PCAT7: variants seen among roughly 807,000 people sequenced by gnomAD.
PCAT7 encodes prostate cancer associated transcript 7 (non-protein coding).
chr9:94,565,601 C>G (rs943731943), intron 2 of PCAT7, among the ~76,000 whole-genome samples: 7 of 152,108 alleles, frequency 4.6e-5, no homozygotes, highest in African/African-American at 1.7e-4. Context: ...AGATGGAACC[C>G]ATATTCCTAA....
chr9:94,565,013 A>G (rs1827165084), intron 2 of PCAT7, among the ~76,000 whole-genome samples: 1 of 152,212 alleles, frequency 6.6e-6, no homozygotes, highest in African/African-American at 2.4e-5. Context: ...TGATCACTGT[A>G]TATTATATAT....
intron 2 of PCAT7, chr9:94,568,344 A>G (rs564430): frequency 0.49 from 73,858 of 151,926 alleles, 18,566 homozygotes; most frequent in African/African-American, 0.6. Flanking sequence ...TCCACAACCC[A>G]TGTAGCCACT....
intron 2 of PCAT7, chr9:94,571,662 C>A: frequency 1.3e-6 from 2 of 1,494,004 alleles, no homozygotes; most frequent in South Asian, 2.7e-5. Context: ...AACACTTTGC[C>A]AGGGGCCTGG....
chr9:94,573,865 T>C (rs1301872483), intron 3 of PCAT7, among the ~76,000 whole-genome samples: 5 of 152,366 alleles, frequency 3.3e-5, no homozygotes, highest in African/African-American at 1.2e-4. Context: ...TCCTTCCTAT[T>C]ATCTTTTCTG....
chr9:94,571,916 G>A (rs534515403), intron 2 of PCAT7, among the ~76,000 whole-genome samples: 1 of 152,176 alleles, frequency 6.6e-6, no homozygotes, highest in South Asian at 2.1e-4. Flanking sequence ...CCCAAGCCAC[G>A]ATACTCACAA....
At chr9:94,571,497 TG>T (rs748538007) in intron 2 of PCAT7, 1 of 1,613,888 alleles carries the variant, frequency 6.2e-7, no homozygotes, top group Non-Finnish European at 8.5e-7. Context: ...CCTTGCCCTG[TG>T]GAGAGAGCCA....
At chr9:94,565,795 A>G (rs1827180592) in intron 2 of PCAT7, among the ~76,000 whole-genome samples, 1 of 150,728 alleles carries the variant, frequency 6.6e-6, no homozygotes, top group African/African-American at 2.5e-5. Context: ...TAGATGATAG[A>G]TAGGTGAGAG....
intron 1 of PCAT7, among the ~76,000 whole-genome samples, chr9:94,557,272 T>C (rs540487127): frequency 6.6e-6 from 1 of 152,372 alleles, no homozygotes; most frequent in African/African-American, 2.4e-5. Context: ...GAATGTCTTG[T>C]AGTTGAACAC....
chr9:94,561,734 G>T (rs12002400), intron 2 of PCAT7, among the ~76,000 whole-genome samples: 6,415 of 152,232 alleles, frequency 0.042, 440 homozygotes, highest in African/African-American at 0.15. Context: ...GGATAGGAGT[G>T]TGCACATGCA....
At chr9:94,556,681 A>G (rs1827017175) in intron 1 of PCAT7, among the ~76,000 whole-genome samples, 1 of 152,182 alleles carries the variant, frequency 6.6e-6, no homozygotes, top group African/African-American at 2.4e-5. Context: ...CTGCTTTGGA[A>G]AAGGCTTTAA....
chr9:94,566,796 A>C (rs1175094940), intron 2 of PCAT7, among the ~76,000 whole-genome samples: 2 of 152,248 alleles, frequency 1.3e-5, no homozygotes, highest in Admixed American at 1.3e-4. Flanking sequence ...ATGAAGCCTT[A>C]CAAAAGCATC....
intron 1 of PCAT7, chr9:94,558,786 C>T: frequency 4.3e-6 from 3 of 698,752 alleles, no homozygotes; most frequent in Non-Finnish European, 4.9e-6. Context: ...GGCTTCCAAA[C>T]CTGTCGTAAG....
intron 1 of PCAT7, chr9:94,558,803 G>A: frequency 1.3e-6 from 1 of 793,474 alleles, no homozygotes; most frequent in South Asian, 1.6e-5. Context: ...TAAGCAGTTT[G>A]TTGTTGCTCT....
intron 1 of PCAT7, among the ~76,000 whole-genome samples, chr9:94,556,320 G>A (rs1468116207): frequency 6.6e-6 from 1 of 152,008 alleles, no homozygotes; most frequent in Non-Finnish European, 1.5e-5. Flanking sequence ...AAAATACGGT[G>A]GGAGAAAGTG....
chr9:94,569,209 G>T (rs954543298), intron 2 of PCAT7: 1 of 152,216 alleles, frequency 6.6e-6, no homozygotes, highest in African/African-American at 2.4e-5. Flanking sequence ...AATGAGATAC[G>T]CCTCCCTAGG....
intron 2 of PCAT7, among the ~76,000 whole-genome samples, chr9:94,562,561 C>T (rs1276658813): frequency 6.6e-6 from 1 of 152,064 alleles, no homozygotes; most frequent in Non-Finnish European, 1.5e-5. Flanking sequence ...TCTTAGCATT[C>T]GAATAATTCA....
upstream of PCAT7, among the ~76,000 whole-genome samples, chr9:94,554,630 A>T (rs1826976895): frequency 6.6e-6 from 1 of 152,250 alleles, no homozygotes; most frequent in Non-Finnish European, 1.5e-5. Context: ...CAGCGAGGCG[A>T]GCCGCGGAGG....
intron 2 of PCAT7, chr9:94,567,378 T>A: frequency 1.2e-6 from 2 of 1,613,858 alleles, no homozygotes; most frequent in Non-Finnish European, 1.7e-6. Flanking sequence ...TCTTGACATC[T>A]TTTTCCACCA....
chr9:94,562,107 C>G (rs184165606), intron 2 of PCAT7, among the ~76,000 whole-genome samples: 37 of 151,982 alleles, frequency 2.4e-4, no homozygotes, highest in East Asian at 1.6e-3. Context: ...GTCAGGAGAT[C>G]GAGACCATCC....
Sources: gnomAD v4.1 joint callset for allele counts (sites outside exome capture counted in the v4.1 genomes callset) on GRCh38, gnomAD v4.1.1 for gene constraint, MANE v1.5 for transcripts, NCBI Gene and HGNC (gene_info 2026-07-23, HGNC 2026-07-21) for gene names.